GABRB2: variants seen among roughly 807,000 people sequenced by gnomAD.
The protein encoded by GABRB2 is gamma-aminobutyric acid type A receptor subunit beta2, also known as gamma-aminobutyric acid receptor subunit beta-2.
In GABRB2, 16 loss-of-function variants were observed where a neutral mutation model predicts 54.7. The observed-to-expected ratio is 0.29, with a 90% CI of 0.20 to 0.44. GABRB2 has a LOEUF of 0.44. Among genes scored for constraint, GABRB2 ranks in the 20% least tolerant of loss-of-function variants. The pLI is 1.00. For missense variants in GABRB2, 355 were observed against 644.0 expected (o/e 0.55, Z 4.86); for synonymous variants, 244 against 233.8 (o/e 1.04, Z -0.40).
chr5:161,438,123 C>T (rs899811627), intron 4 of GABRB2, among the ~76,000 whole-genome samples: 1 of 152,168 alleles, frequency 6.6e-6, no homozygotes, highest in Non-Finnish European at 1.5e-5. Flanking sequence ...TTAGGTTTGA[C>T]CTAACACAGT....
At chr5:161,431,730 C>G (rs2113177736) in intron 4 of GABRB2, among the ~76,000 whole-genome samples, 1 of 152,296 alleles carries the variant, frequency 6.6e-6, no homozygotes, top group Non-Finnish European at 1.5e-5. Flanking sequence ...ACCACACAGA[C>G]AGATATACCA....
chr5:161,375,421 T>C (rs4921390), intron 5 of GABRB2, among the ~76,000 whole-genome samples: 26,935 of 152,126 alleles, frequency 0.18, 3,463 homozygotes, highest in African/African-American at 0.36. Context: ...GAATGGCTCA[T>C]TGTTTCAGAA....
intron 9 of GABRB2, among the ~76,000 whole-genome samples, chr5:161,315,943 T>G (rs1336418489): frequency 6.6e-6 from 1 of 152,214 alleles, no homozygotes; most frequent in East Asian, 1.9e-4. Context: ...TTTTCATATT[T>G]CCAAAGGGAA....
chr5:161,528,836 C>G (rs967367725), intron 3 of GABRB2, among the ~76,000 whole-genome samples: 1 of 151,646 alleles, frequency 6.6e-6, no homozygotes, highest in African/African-American at 2.4e-5. Flanking sequence ...ACAGATTATT[C>G]CCGATCTTAA....
chr5:161,375,508 T>G (rs1274765174), intron 5 of GABRB2, among the ~76,000 whole-genome samples: 1 of 152,144 alleles, frequency 6.6e-6, no homozygotes, highest in Non-Finnish European at 1.5e-5. Flanking sequence ...CTTATGGTGG[T>G]TTGTCTTTGT....
intron 5 of GABRB2, among the ~76,000 whole-genome samples, chr5:161,374,376 C>T (rs142327993): frequency 3.2e-4 from 48 of 152,320 alleles, no homozygotes; most frequent in South Asian, 2.1e-3. Flanking sequence ...TAGTTCCTCA[C>T]ATAATGGTCC....
At chr5:161,383,222 C>T (rs1468060207) in intron 5 of GABRB2, among the ~76,000 whole-genome samples, 1 of 152,120 alleles carries the variant, frequency 6.6e-6, no homozygotes, top group Non-Finnish European at 1.5e-5. Flanking sequence ...TTTTCCATCT[C>T]ATACCTGAAT....
chr5:161,532,325 G>A (rs1581063665), intron 3 of GABRB2, among the ~76,000 whole-genome samples: 1 of 151,962 alleles, frequency 6.6e-6, no homozygotes, highest in Non-Finnish European at 1.5e-5. Context: ...TGTCACAAAA[G>A]CCCATATTAC....
intron 4 of GABRB2, among the ~76,000 whole-genome samples, chr5:161,421,964 A>G (rs903803226): frequency 6.6e-6 from 1 of 152,224 alleles, no homozygotes; most frequent in Non-Finnish European, 1.5e-5. Flanking sequence ...ATAAAACTTA[A>G]GCCATGACAA....
intron 4 of GABRB2, among the ~76,000 whole-genome samples, chr5:161,415,904 C>T (rs1756650574): frequency 6.7e-6 from 1 of 149,828 alleles, no homozygotes; most frequent in Non-Finnish European, 1.5e-5. Flanking sequence ...TGATCCACCG[C>T]ACCCGGCCCC....
At chr5:161,545,175 C>T (rs1760940310) in intron 3 of GABRB2, 52 bp downstream of exon 3, 1 of 1,446,426 alleles carries the variant, frequency 6.9e-7, no homozygotes, top group Non-Finnish European at 9.6e-7. Context: ...TTTCTCCTTC[C>T]TGTCCCCAAA....
At chr5:161,461,621 T>C (rs534546569) in intron 3 of GABRB2, among the ~76,000 whole-genome samples, 1 of 152,318 alleles carries the variant, frequency 6.6e-6, no homozygotes, top group African/African-American at 2.4e-5. Context: ...ATGGGTACAA[T>C]GTAATTGCTC....
chr5:161,317,578 G>C (rs1758079495), intron 9 of GABRB2, among the ~76,000 whole-genome samples: 1 of 152,100 alleles, frequency 6.6e-6, no homozygotes, highest in Non-Finnish European at 1.5e-5. Flanking sequence ...AAATTTAGAA[G>C]AGCATATGCT....
At chr5:161,453,942 G>T (rs990095638) in intron 4 of GABRB2, among the ~76,000 whole-genome samples, 1 of 151,612 alleles carries the variant, frequency 6.6e-6, no homozygotes, top group Non-Finnish European at 1.5e-5. Flanking sequence ...GGAGGCTGGG[G>T]CAGGAGAATT....
chr5:161,543,063 A>T (rs568652543), intron 3 of GABRB2, among the ~76,000 whole-genome samples: 7 of 152,264 alleles, frequency 4.6e-5, no homozygotes, highest in Non-Finnish European at 1.0e-4. Flanking sequence ...GGACAAATCC[A>T]TGGGTGTAGC....
At chr5:161,324,453 G>C (rs905759032) in intron 9 of GABRB2, among the ~76,000 whole-genome samples, 2 of 152,078 alleles carry the variant, frequency 1.3e-5, no homozygotes, top group South Asian at 4.1e-4. Context: ...AAGGCCGTTG[G>C]TATAATTATC....
At position 161,380,278 on chromosome 5, in the gene GABRB2, A is replaced by G. The variant is rs577666723; in HGVS notation, c.541+30697T>C. Among the ~76,000 whole-genome samples, 7 of 152,260 alleles carry G rather than the reference A, an allele frequency of 4.6e-5. No homozygotes were observed. The East Asian group carries it at 1.3e-3, about 29-fold the overall frequency. On this transcript the variant is annotated intron_variant, in intron 5 of 9. Transcript: ENST00000393959. ...CCATAATACTACAATTTCCTTCTATAAAATTTTACCTCTTTAGGAATTTAA... is the reference window on the plus strand; with the variant it reads ...CCATAATACTACAATTTCCTTCTATGAAATTTTACCTCTTTAGGAATTTAA...
At chr5:161,483,974 C>T (rs1456459105) in intron 3 of GABRB2, among the ~76,000 whole-genome samples, 1 of 151,772 alleles carries the variant, frequency 6.6e-6, no homozygotes, top group African/African-American at 2.4e-5. Flanking sequence ...GTGATTTTCA[C>T]CCATTGGTAT....
intron 3 of GABRB2, among the ~76,000 whole-genome samples, chr5:161,469,937 T>G (rs910014889): frequency 1.3e-5 from 2 of 152,004 alleles, no homozygotes; most frequent in Non-Finnish European, 1.5e-5. Context: ...ATAGAAAGGA[T>G]GATCCCTGTT....
Sources: allele counts gnomAD v4.1 joint callset (sites outside exome capture counted in the v4.1 genomes callset), GRCh38; gene constraint gnomAD v4.1.1; transcripts MANE v1.5; gene names NCBI Gene and HGNC (gene_info 2026-07-23, HGNC 2026-07-21).